TAFA2: variants seen among roughly 807,000 people sequenced by gnomAD.
TAFA2 encodes TAFA chemokine like family member 2.
Under a neutral mutation model 18.8 loss-of-function variants are expected in TAFA2, and 7 were observed. That is an observed-to-expected ratio of 0.37 (90% CI 0.21 to 0.70). TAFA2 has a LOEUF of 0.70. Among genes scored for constraint, TAFA2 ranks in the 30% least tolerant of loss-of-function variants. TAFA2 has a pLI of 0.53. For synonymous variants in TAFA2, 60 were observed against 54.2 expected (o/e 1.11, Z -0.47); for missense variants, 122 against 158.1 (o/e 0.77, Z 1.23).
At chr12:61,824,570 C>T (rs1292251839) in intron 2 of TAFA2, among the ~76,000 whole-genome samples, 12 of 152,010 alleles carry the variant, frequency 7.9e-5, no homozygotes. Context: ...CAAAAAAAGT[C>T]ATAATGTTTT....
chr12:62,000,960 T>G (rs1017048083), intron 1 of TAFA2, among the ~76,000 whole-genome samples: 10 of 152,290 alleles, frequency 6.6e-5, no homozygotes, highest in South Asian at 4.1e-4. Context: ...TAAAAATATT[T>G]ATAGAAGTAA....
chr12:62,002,479 C>T (rs1009561513), intron 1 of TAFA2, among the ~76,000 whole-genome samples: 7 of 152,134 alleles, frequency 4.6e-5, no homozygotes, highest in Non-Finnish European at 1.0e-4. Context: ...AAGATAGCTT[C>T]CCGATTATTT....
chr12:61,717,430 C>A (rs2120572115), intron 4 of TAFA2, among the ~76,000 whole-genome samples: 1 of 152,246 alleles, frequency 6.6e-6, no homozygotes, highest in Middle Eastern at 3.4e-3. Flanking sequence ...GGAGGTGACT[C>A]CTAGAGACCT....
At chr12:62,240,939 A>C (rs2062860133) in intron 1 of TAFA2, among the ~76,000 whole-genome samples, 1 of 152,182 alleles carries the variant, frequency 6.6e-6, no homozygotes, top group Non-Finnish European at 1.5e-5. Context: ...TGATGATTTG[A>C]AGTGAAATAG....
At chr12:62,113,168 T>C (rs1482292918) in intron 1 of TAFA2, among the ~76,000 whole-genome samples, 2 of 152,206 alleles carry the variant, frequency 1.3e-5, no homozygotes, top group Non-Finnish European at 2.9e-5. Context: ...CGGGTGTTTG[T>C]GTGGCTGTCC....
chr12:61,910,771 G>T (rs926605133), intron 1 of TAFA2, among the ~76,000 whole-genome samples: 2 of 152,208 alleles, frequency 1.3e-5, no homozygotes, highest in African/African-American at 4.8e-5. Flanking sequence ...ACTTCTTGCT[G>T]CAGAGCAATA....
chr12:61,895,444 G>C (rs1441532528), intron 1 of TAFA2, among the ~76,000 whole-genome samples: 1 of 152,080 alleles, frequency 6.6e-6, no homozygotes, highest in Non-Finnish European at 1.5e-5. Flanking sequence ...AAGTGAAACA[G>C]TTCTCCCAAG....
At chr12:61,724,791 G>GTATA (rs1415116422) in intron 4 of TAFA2, among the ~76,000 whole-genome samples, 73 of 92,882 alleles carry the variant, frequency 7.9e-4, no homozygotes, top group Non-Finnish European at 1.2e-3. Flanking sequence ...GTGTGTGTGT[G>GTATA]TGTGTGTGTG....
At chr12:61,992,788 G>A (rs556912300) in intron 1 of TAFA2, among the ~76,000 whole-genome samples, 11 of 152,290 alleles carry the variant, frequency 7.2e-5, no homozygotes, top group African/African-American at 2.6e-4. Context: ...AGCTCCATGA[G>A]AGTAGAAATT....
chr12:62,019,811 A>G (rs1384062178), intron 1 of TAFA2, among the ~76,000 whole-genome samples: 14 of 134,426 alleles, frequency 1.0e-4, no homozygotes, highest in Admixed American at 6.4e-4. Context: ...CTAAAACTTA[A>G]AGTATAATAA....
intron 2 of TAFA2, among the ~76,000 whole-genome samples, chr12:61,852,906 G>A (rs1422416205): frequency 6.6e-6 from 1 of 152,162 alleles, no homozygotes; most frequent in African/African-American, 2.4e-5. Flanking sequence ...ACAAGAGTGT[G>A]AGAAAAAAGA....
intron 1 of TAFA2, among the ~76,000 whole-genome samples, chr12:62,041,781 T>C (rs967369210): frequency 6.6e-5 from 10 of 152,198 alleles, no homozygotes; most frequent in Non-Finnish European, 1.3e-4. Context: ...TTTTGTGCTA[T>C]GCTTAAGATT....
intron 1 of TAFA2, among the ~76,000 whole-genome samples, chr12:62,088,960 CACAA>C (rs1304259489): frequency 1.3e-5 from 2 of 152,076 alleles, no homozygotes; most frequent in African/African-American, 2.4e-5. Context: ...CTCACATACA[CACAA>C]ACACACACAC....
intron 1 of TAFA2, among the ~76,000 whole-genome samples, chr12:62,210,900 G>T (rs1169644584): frequency 6.6e-6 from 1 of 152,048 alleles, no homozygotes; most frequent in Non-Finnish European, 1.5e-5. Flanking sequence ...ATTAGACAGG[G>T]TAATGACACA....
rs879420254 is a variant in TAFA2, at chr12:62,050,571, C to CA, written c.-2+140687dup. ...TGGGCGACAGAGTGAGACTCTGTCT[C>CA]AAAAAAAAAAAAAATTGTTACAAAC... On this transcript the variant is annotated intron_variant, in intron 1 of 4. Transcript: ENST00000416284. 7.4e-3 allele frequency among the ~76,000 whole-genome samples: 841 copies of CA among 114,014 alleles called. 7 individuals carry two copies. The highest frequency in any genetic ancestry group is 0.014 in the African/African-American group (436 of 30,370). The allele number at this position is 114,014 out of a possible 152,430, so 74.8% of individuals were successfully genotyped here. A position where few individuals can be genotyped will look rare whatever the true frequency, so the allele number is the denominator to read the frequency against.
intron 1 of TAFA2, among the ~76,000 whole-genome samples, chr12:61,888,302 G>A (rs1441091971): frequency 2.0e-5 from 3 of 152,176 alleles, no homozygotes; most frequent in Admixed American, 6.5e-5. Context: ...TGGTCAGGAA[G>A]ATGCTATGAT....
intron 1 of TAFA2, among the ~76,000 whole-genome samples, chr12:62,061,241 T>G (rs1364798142): frequency 1.3e-5 from 2 of 152,224 alleles, no homozygotes; most frequent in African/African-American, 4.8e-5. Context: ...CATGGTGAAG[T>G]GCTCTGTACA....
chr12:62,110,578 G>C (rs1869677540), intron 1 of TAFA2, among the ~76,000 whole-genome samples: 1 of 147,288 alleles, frequency 6.8e-6, no homozygotes, highest in African/African-American at 2.5e-5. Flanking sequence ...TGCACCTCTG[G>C]TAGAATTCAG....
chr12:61,937,433 T>A (rs1877815143), intron 1 of TAFA2, among the ~76,000 whole-genome samples: 1 of 151,978 alleles, frequency 6.6e-6, no homozygotes. Context: ...ACCAAAACAG[T>A]ATAACACTGG....
Sources: gnomAD v4.1 joint callset for allele counts (sites outside exome capture counted in the v4.1 genomes callset) on GRCh38, gnomAD v4.1.1 for gene constraint, MANE v1.5 for transcripts, NCBI Gene and HGNC (gene_info 2026-07-23, HGNC 2026-07-21) for gene names.